XAF1: variants seen among roughly 807,000 people sequenced by gnomAD.
XAF1 encodes XIAP associated factor 1, also known as XIAP-associated factor 1.
XAF1 carries 32 observed loss-of-function variants against 32.3 expected under a neutral mutation model. The ratio of observed to expected loss-of-function variants is 0.99; its 90% CI spans 0.75 to 1.33. The LOEUF (loss-of-function observed/expected upper bound fraction) is 1.33, where lower values mean the gene tolerates loss of function less well. Among genes scored for constraint, XAF1 ranks in the 40% most tolerant of loss-of-function variants. The pLI is 0.00. For missense variants in XAF1, 379 were observed against 366.0 expected (o/e 1.04, Z -0.29); for synonymous variants, 120 against 125.9 (o/e 0.95, Z 0.31).
intron 5 of XAF1, among the ~76,000 whole-genome samples, chr17:6,766,103 GCTAA>G (rs1401122642): frequency 6.6e-6 from 1 of 152,096 alleles, no homozygotes; most frequent in Non-Finnish European, 1.5e-5. Context: ...TACTCCAGGA[GCTAA>G]CTCTCTCACT....
intron 3 of XAF1, among the ~76,000 whole-genome samples, chr17:6,760,191 T>A (rs1052748806): frequency 6.6e-6 from 1 of 151,400 alleles, no homozygotes; most frequent in Admixed American, 6.6e-5. Flanking sequence ...CTACTAAAAG[T>A]ACAAAAATTA....
Position 6,775,428 on chromosome 17 carries a change from A to G in XAF1, c.*2259A>G, listed in dbSNP as rs894144335. ...TACACATGTGCCCCTGAACCTAAAA[A>G]AAAAGTTAAAAGAAAAACGTTTGGA... is the stretch of plus-strand genomic sequence containing the variant. On this transcript the variant is annotated 3_prime_UTR_variant, in exon 7 of 7. Coordinates refer to ENST00000361842, the MANE Select transcript of XAF1 (RefSeq NM_017523.5). 6.6e-6 allele frequency: 1 copy of G among 152,180 alleles called. No individual in the cohort carries two copies. Among genetic ancestry groups the G allele is most frequent in the Non-Finnish European group, 1.5e-5 (1 of 68,036 alleles). 9.4% of individuals were successfully genotyped at this position (152,180 alleles called of 1,614,324 possible).
chr17:6,769,908 C>G (rs894534391), intron 5 of XAF1, among the ~76,000 whole-genome samples: 7 of 152,234 alleles, frequency 4.6e-5, no homozygotes, highest in African/African-American at 1.7e-4. Context: ...TTCCTTGCCA[C>G]TTTCCTTTTC....
At chr17:6,771,190 T>G in intron 6 of XAF1, 1 of 512,400 alleles carries the variant, frequency 2.0e-6, no homozygotes, top group South Asian at 3.0e-5. Flanking sequence ...CTGAGTCACC[T>G]TTGACTCAAG....
At chr17:6,757,991 A>G in intron 1 of XAF1, 98 bp from the exon 2 acceptor site, 1 of 1,534,388 alleles carries the variant, frequency 6.5e-7, no homozygotes, top group Non-Finnish European at 8.9e-7. Flanking sequence ...TCAGTGCTTA[A>G]GGCCTCTGGA....
At chr17:6,762,010 G>A in intron 4 of XAF1, 145 bp from the exon 5 acceptor site, 1 of 1,539,848 alleles carries the variant, frequency 6.5e-7, no homozygotes, top group Non-Finnish European at 8.7e-7. Context: ...GGTCAAGGAT[G>A]CCGGCAGCGC....
At chr17:6,762,401 T>C (rs937203293) in intron 5 of XAF1, among the ~76,000 whole-genome samples, 161 bp downstream of exon 5, 3 of 152,216 alleles carry the variant, frequency 2.0e-5, no homozygotes, top group Non-Finnish European at 4.4e-5. Context: ...TTTAGTGACT[T>C]GCTTAGGCTA....
chr17:6,758,015 G>A, intron 1 of XAF1, 74 bp from the exon 2 acceptor site: 2 of 1,597,852 alleles, frequency 1.3e-6, no homozygotes, highest in East Asian at 2.2e-5. Context: ...CTAGCCCTGG[G>A]TATGAAATAC....
intron 3 of XAF1, 59 bp from the exon 4 acceptor site, chr17:6,760,347 C>A (rs866606304): frequency 3.7e-4 from 382 of 1,046,322 alleles, no homozygotes; most frequent in African/African-American, 1.8e-3. Flanking sequence ...GACTCTGTCT[C>A]AAAAAAAAAA....
chr17:6,756,120 T>G lies in XAF1; in HGVS notation c.32+10T>G, dbSNP rs1335968758. ...CGGTGTGCAGGAACTGGTAAGAAAG[T>G]GCTTTCTCCAGCGGCAGACCCGGGC... On this transcript the variant is annotated intron_variant, in intron 1 of 6. Transcript: ENST00000361842. 6.2e-7 allele frequency: 1 copy of G among 1,613,772 alleles called. No homozygotes were observed.
intron 5 of XAF1, among the ~76,000 whole-genome samples, chr17:6,769,525 A>G (rs936718312): frequency 1.3e-5 from 2 of 152,150 alleles, no homozygotes; most frequent in Non-Finnish European, 2.9e-5. Context: ...TACAGTCTCT[A>G]TCCTATAGTT....
At chr17:6,764,669 A>T (rs1012023982) in intron 5 of XAF1, among the ~76,000 whole-genome samples, 1 of 152,208 alleles carries the variant, frequency 6.6e-6, no homozygotes, top group Admixed American at 6.5e-5. Context: ...CCAAAGCCAG[A>T]AAAACATGAA....
chr17:6,759,343 G>A (rs1481906580), intron 2 of XAF1: 2 of 1,310,822 alleles, frequency 1.5e-6, no homozygotes, highest in African/African-American at 1.5e-5. Flanking sequence ...ATGTGAAAAA[G>A]GAAGGTCCTG....
At chr17:6,761,963 A>C in intron 4 of XAF1, 192 bp from the exon 5 acceptor site, 1 of 1,528,860 alleles carries the variant, frequency 6.5e-7, no homozygotes. Context: ...GCCATAAAGG[A>C]AATGATGTGG....
intron 6 of XAF1, 99 bp downstream of exon 6, chr17:6,771,083 G>A: frequency 1.5e-6 from 2 of 1,362,658 alleles, no homozygotes; most frequent in Non-Finnish European, 2.0e-6. Context: ...TGTTGTGGCT[G>A]AAAAGGCCGT....
chr17:6,763,351 A>G lies in XAF1; in HGVS notation c.507+1111A>G, dbSNP rs1165474133. On this transcript the variant is annotated intron_variant, in intron 5 of 6. Transcript: ENST00000361842. ...TTCTTTTCTTTTATTTTTTTGAGAC[A>G]GGGTCTCACTCTGTTGCCCAGGCTG... 2.0e-5 allele frequency among the ~76,000 whole-genome samples: 3 copies of G among 151,986 alleles called. No individual in the cohort carries two copies. The East Asian group carries it at 5.8e-4, about 29-fold the overall frequency.
intron 5 of XAF1, among the ~76,000 whole-genome samples, chr17:6,768,316 C>T (rs1975771706): frequency 6.6e-6 from 1 of 151,894 alleles, no homozygotes; most frequent in South Asian, 2.1e-4. Flanking sequence ...TAGAGATGGG[C>T]TTTTCCATGT....
intron 5 of XAF1, among the ~76,000 whole-genome samples, chr17:6,762,818 T>C (rs1447983805): frequency 2.0e-5 from 3 of 152,224 alleles, no homozygotes; most frequent in Admixed American, 2.0e-4. Context: ...CATTTCCCCT[T>C]TGGGAAACTT....
intron 2 of XAF1, chr17:6,758,460 A>C (rs1392044215): frequency 2.2e-6 from 1 of 456,790 alleles, no homozygotes; most frequent in East Asian, 4.4e-5. Flanking sequence ...GAGTCAAGGC[A>C]AGTGTTCAGT....
Sources: gnomAD v4.1 joint callset for allele counts (sites outside exome capture counted in the v4.1 genomes callset) on GRCh38, gnomAD v4.1.1 for gene constraint, MANE v1.5 for transcripts, NCBI Gene and HGNC (gene_info 2026-07-23, HGNC 2026-07-21) for gene names.